The following DYNC1H1 variants were observed in gnomAD, a reference collection of about 807,000 sequenced individuals.
DYNC1H1 encodes dynein cytoplasmic 1 heavy chain 1, also known as cytoplasmic dynein 1 heavy chain 1.
In DYNC1H1, 51 loss-of-function variants were observed where a neutral mutation model predicts 527.1. The observed-to-expected ratio is 0.10, with a 90% CI of 0.08 to 0.12. The LOEUF (loss-of-function observed/expected upper bound fraction) is 0.12, where lower values mean the gene tolerates loss of function less well. Among genes scored for constraint, DYNC1H1 ranks in the 10% least tolerant of loss-of-function variants. The pLI is 1.00. For missense variants in DYNC1H1, 2,771 were observed against 5,971.8 expected (o/e 0.46, Z 17.66); for synonymous variants, 2,189 against 2,278.8 (o/e 0.96, Z 1.12).
chr14:101,972,902 CT>C (rs1299490349), intron 1 of DYNC1H1, among the ~76,000 whole-genome samples: 3 of 152,078 alleles, frequency 2.0e-5, no homozygotes, highest in African/African-American at 7.2e-5. Context: ...CATCGCAGTA[CT>C]TTGACAGCTG....
Position 101,997,402 on chromosome 14 carries a change from T to C in DYNC1H1, c.3804+128T>C. Reference sequence around the variant, plus strand: ...GTATTGAAGACTCTTTTCCTTTTTGTAGTTAAAAAAGCAGATGGAGATAGC... The same window carrying C: ...GTATTGAAGACTCTTTTCCTTTTTGCAGTTAAAAAAGCAGATGGAGATAGC... On this transcript the variant is annotated intron_variant, in intron 16 of 77. Coordinates refer to ENST00000360184, the MANE Select transcript of DYNC1H1 (RefSeq NM_001376.5). The surrounding 1 kb of genome is among the most constrained non-coding windows in gnomAD (Gnocchi z 4.8). 1.3e-6 allele frequency: 2 copies of C among 1,501,420 alleles called. No homozygotes were observed. Among genetic ancestry groups the C allele is most frequent in the Non-Finnish European group, 1.8e-6 (2 of 1,112,674 alleles). 93.0% of individuals were successfully genotyped at this position (1,501,420 alleles called of 1,614,324 possible). A position where few individuals can be genotyped will look rare whatever the true frequency, so the allele number is the denominator to read the frequency against.
rs762745752 is a variant in DYNC1H1 at position 102,050,452 on chromosome 14, C to T, written c.13830C>T (p.Tyr4610=). 4.3e-6 allele frequency: 7 copies of T among 1,614,204 alleles called. No homozygotes were observed. Among genetic ancestry groups the T allele is most frequent in the Non-Finnish European group, 5.9e-6 (7 of 1,180,046 alleles). The change falls in exon 78 of 78, where the codon TAC becomes TAT. Residue 4610 remains tyrosine, a synonymous_variant. Transcript: ENST00000360184. ...TTCTGCAGGTAACCTTACCTGTCTA[C>T]CTGAACTTCACCCGTGCAGACCTCA... The part of the protein sequence containing the change: ...KKASVVTLPV[Y]LNFTRADLIF...
chr14:102,048,805 A>C (rs1595637009), intron 74 of DYNC1H1, 136 bp downstream of exon 74: 3 of 303,156 alleles, frequency 9.9e-6, no homozygotes, highest in South Asian at 2.4e-5. Flanking sequence ...CTGTGCTCTT[A>C]CCCTCAAGGT....
intron 1 of DYNC1H1, among the ~76,000 whole-genome samples, chr14:101,971,085 C>CTTTTTTTT (rs780745783): frequency 3.1e-5 from 2 of 64,072 alleles, no homozygotes; most frequent in Non-Finnish European, 5.8e-5. Context: ...CCGTATCATT[C>CTTTTTTTT]TTTTTTTTTT....
At position 102,004,802 on chromosome 14, in the gene DYNC1H1, A is replaced by C. The variant is rs2048178041; in HGVS notation, c.5090A>C (p.Lys1697Thr). ...CCTGTGTCAATTACTGAACATCCCA[A>C]AATCAATGAGTGGCTCACATTGGTA... ...KTPVSITEHP[K>T]INEWLTLVEK... Residue 1697 changes from lysine to threonine, a missense_variant, in exon 25 of 78, where the codon AAA becomes ACA. Transcript: ENST00000360184. The C allele has an allele frequency of 6.2e-7, 1 of 1,614,098 alleles. No homozygotes were observed. Among genetic ancestry groups the C allele is most frequent in the Non-Finnish European group, 8.5e-7 (1 of 1,180,058 alleles).
In DYNC1H1 at chr14:102,039,633, C is replaced by G. The variant is rs1026002618; in HGVS notation, c.11596-5C>G. 6.2e-7 allele frequency: 1 copy of G among 1,614,108 alleles called. No homozygotes were observed. Among genetic ancestry groups the G allele is most frequent in the East Asian group, 2.2e-5 (1 of 44,868 alleles). ...GAACAACATCGTCTCCTGCTCTTGT[C>G]CCAGGTGGCGTTTAACCGAGTGGCT... is the stretch of plus-strand genomic sequence containing the variant. On this transcript the variant is annotated splice_polypyrimidine_tract_variant and splice_region_variant and intron_variant, in intron 61 of 77. Coordinates refer to ENST00000360184, the MANE Select transcript of DYNC1H1 (RefSeq NM_001376.5). The surrounding 1 kb of genome is among the most constrained non-coding windows in gnomAD (Gnocchi z 7.0).
chr14:102,011,738 A>T lies in DYNC1H1; in HGVS notation c.6619-137A>T. The T allele has an allele frequency of 1.1e-6, 1 of 879,532 alleles. No individual in the cohort carries two copies. Among genetic ancestry groups the T allele is most frequent in the Non-Finnish European group, 1.8e-6 (1 of 553,660 alleles). The allele number at this position is 879,532 out of a possible 1,614,324, so 54.5% of individuals were successfully genotyped here. A position where few individuals can be genotyped will look rare whatever the true frequency, so the allele number is the denominator to read the frequency against. On this transcript the variant is annotated intron_variant, in intron 32 of 77. Coordinates refer to ENST00000360184, the MANE Select transcript of DYNC1H1 (RefSeq NM_001376.5). This position sits in a 1 kb window ranked among gnomAD's most constrained non-coding sequence, Gnocchi z 5.3. ...CTGCATTCCAGTCTGGGTGACAGAGAGAGACTCCGTTTCAGGAAAAAAAAA... is the reference window on the plus strand; with the variant it reads ...CTGCATTCCAGTCTGGGTGACAGAGTGAGACTCCGTTTCAGGAAAAAAAAA...
Position 102,041,364 on chromosome 14 carries a change from G to A in DYNC1H1, c.11942-210G>A, listed in dbSNP as rs2048647167. 5.6e-5 allele frequency: 40 copies of A among 718,988 alleles called. No homozygotes were observed. In the South Asian group the frequency reaches 6.3e-4, roughly 11 times the overall value. 44.5% of individuals were successfully genotyped at this position (718,988 alleles called of 1,614,324 possible). A position where few individuals can be genotyped will look rare whatever the true frequency, so the allele number is the denominator to read the frequency against. ...TCAGCAAATGGCACCTTTGTCCTAT[G>A]GATACATCCAGGTAGTAAGGTGTTC... On this transcript the variant is annotated intron_variant, in intron 64 of 77. Coordinates refer to ENST00000360184, the MANE Select transcript of DYNC1H1 (RefSeq NM_001376.5). The surrounding 1 kb of genome is among the most constrained non-coding windows in gnomAD (Gnocchi z 4.5).
At chr14:102,023,159 G>A (rs1243843357) in intron 43 of DYNC1H1, 2 of 417,082 alleles carry the variant, frequency 4.8e-6, no homozygotes, top group Non-Finnish European at 4.5e-6. Context: ...CAGCAACTTG[G>A]GAGGCTTGAG....
chr14:102,045,014 A>G, intron 72 of DYNC1H1: 1 of 402,566 alleles, frequency 2.5e-6, no homozygotes, highest in Admixed American at 3.6e-5. Context: ...ATTGAAAAGC[A>G]GTTACTGGCT....
At position 101,983,661 on chromosome 14, in the gene DYNC1H1, T is replaced by C; in HGVS notation, c.1461+52T>C. 6.4e-7 allele frequency: 1 copy of C among 1,568,534 alleles called. No individual in the cohort carries two copies. On this transcript the variant is annotated intron_variant, in intron 7 of 77. Coordinates refer to ENST00000360184, the MANE Select transcript of DYNC1H1 (RefSeq NM_001376.5). This position sits in a 1 kb window ranked among gnomAD's most constrained non-coding sequence, Gnocchi z 5.3. ...GTTTTGTTTTTGTTTTTGTTTTGTT[T>C]TTTGTTTGGTGTTTTTTTTTTGTTG...
chr14:102,046,315 T>C (rs61992470), intron 72 of DYNC1H1, among the ~76,000 whole-genome samples: 3,147 of 152,288 alleles, frequency 0.021, 48 homozygotes, highest in South Asian at 0.043. Context: ...CAACTTTTTC[T>C]TATGGGAAAA....
rs1047679128 is a variant in DYNC1H1 at position 101,986,708 on chromosome 14, A to G, written c.2483A>G (p.Lys828Arg). 9.3e-6 allele frequency: 15 copies of G among 1,614,070 alleles called. No individual in the cohort carries two copies. Among genetic ancestry groups the G allele is most frequent in the Non-Finnish European group, 1.3e-5 (15 of 1,180,054 alleles). Residue 828 changes from lysine to arginine, a missense_variant, in exon 8 of 78, where the codon AAA becomes AGA. Around this residue, in one of 32 missense-constraint regions of DYNC1H1, gnomAD observed 179 missense variants for 349.4 expected, o/e 0.51. Coordinates refer to ENST00000360184, the MANE Select transcript of DYNC1H1 (RefSeq NM_001376.5). This position sits in a 1 kb window ranked among gnomAD's most constrained non-coding sequence, Gnocchi z 8.7. ...ATTGCGTTGGTGTGGGAGTCCTACA[A>G]ACTTGACCCATATGTACAGCGCTTA... ...EGIALVWESY[K>R]LDPYVQRLAE...
chr14:102,046,316 T>C (rs1205446237), intron 72 of DYNC1H1, among the ~76,000 whole-genome samples: 1 of 152,104 alleles, frequency 6.6e-6, no homozygotes, highest in East Asian at 1.9e-4. Context: ...AACTTTTTCT[T>C]ATGGGAAAAA....
At position 102,027,127 on chromosome 14, in the gene DYNC1H1, T is replaced by C. The variant is rs375929377; in HGVS notation, c.8772-47T>C. 3.2e-6 allele frequency: 5 copies of C among 1,580,820 alleles called. No individual in the cohort carries two copies. The highest frequency in any genetic ancestry group is 4.3e-6 in the Non-Finnish European group (5 of 1,149,946). ...CACTAGATATGAGTCAAAAGGGGAA[T>C]GAGGCATTATAAGCCTTAACATTGA... is the stretch of plus-strand genomic sequence containing the variant. On this transcript the variant is annotated intron_variant, in intron 44 of 77. Coordinates refer to ENST00000360184, the MANE Select transcript of DYNC1H1 (RefSeq NM_001376.5). The surrounding 1 kb of genome is among the most constrained non-coding windows in gnomAD (Gnocchi z 7.7).
chr14:101,985,673 T>A lies in DYNC1H1; in HGVS notation c.1462-14T>A, dbSNP rs756505807. On this transcript the variant is annotated splice_polypyrimidine_tract_variant and intron_variant, in intron 7 of 77. Coordinates refer to ENST00000360184, the MANE Select transcript of DYNC1H1 (RefSeq NM_001376.5). This position sits in a 1 kb window ranked among gnomAD's most constrained non-coding sequence, Gnocchi z 5.9. Reference sequence around the variant, plus strand: ...TTGGTCAGCATTTCTTGATTACATATCTTTCTCCTTTAGGTCACGGCAGTT... The same window carrying A: ...TTGGTCAGCATTTCTTGATTACATAACTTTCTCCTTTAGGTCACGGCAGTT... 6.2e-7 allele frequency: 1 copy of A among 1,613,912 alleles called. No homozygotes were observed. The highest frequency in any genetic ancestry group is 1.7e-5 in the Admixed American group (1 of 60,024).
rs2048817452 is a variant in DYNC1H1 at position 102,051,939 on chromosome 14, G to C, written c.*1376G>C. 2.0e-5 allele frequency: 3 copies of C among 151,920 alleles called. No individual in the cohort carries two copies. Among genetic ancestry groups the C allele is most frequent in the African/African-American group, 7.3e-5 (3 of 41,216 alleles). The allele number at this position is 151,920 out of a possible 1,614,324, so 9.4% of individuals were successfully genotyped here. On this transcript the variant is annotated 3_prime_UTR_variant, in exon 78 of 78. Transcript: ENST00000360184. ...CCTGGCCTCAGCCAGTGATCCTCCTGCCTCAGCCTCCCAAAGTGCTGAGAT... is the reference window on the plus strand; with the variant it reads ...CCTGGCCTCAGCCAGTGATCCTCCTCCCTCAGCCTCCCAAAGTGCTGAGAT...
intron 9 of DYNC1H1, 50 bp from the exon 10 acceptor site, chr14:101,988,653 G>T: frequency 6.2e-7 from 1 of 1,613,066 alleles, no homozygotes; most frequent in South Asian, 1.1e-5. Flanking sequence ...CTTGCTTTGT[G>T]AGCTAACTTT....
Position 102,033,018 on chromosome 14 carries a change from T to A in DYNC1H1, c.10080-47T>A, listed in dbSNP as rs760498837. The A allele has an allele frequency of 4.4e-6, 7 of 1,580,462 alleles. No homozygotes were observed. Among genetic ancestry groups the A allele is most frequent in the Non-Finnish European group, 6.1e-6 (7 of 1,149,826 alleles). ...ATTTTAATTTTATGAAAACTCTTCC[T>A]TGCTTTTGTCCTGCATGTGTTTAGA... On this transcript the variant is annotated intron_variant, in intron 52 of 77. Transcript: ENST00000360184. This position sits in a 1 kb window ranked among gnomAD's most constrained non-coding sequence, Gnocchi z 5.6.
Sources: allele counts gnomAD v4.1 joint callset (sites outside exome capture counted in the v4.1 genomes callset), GRCh38; gene constraint gnomAD v4.1.1; regional missense constraint gnomAD v4.1.1; non-coding constraint Gnocchi (gnomAD v3.1); transcripts MANE v1.5; gene names NCBI Gene and HGNC (gene_info 2026-07-23, HGNC 2026-07-21).